Variants in MAF observed in about 807,000 individuals in gnomAD.
MAF encodes the protein MAF bZIP transcription factor, also known as transcription factor Maf.
A neutral mutation model predicts 22.0 loss-of-function variants in MAF; 10 were observed. The ratio of observed to expected loss-of-function variants is 0.45; its 90% CI spans 0.28 to 0.77. The LOEUF is 0.77. Among genes scored for constraint, MAF ranks in the 30% least tolerant of loss-of-function variants. The pLI is 0.12. For synonymous variants in MAF, 337 were observed against 255.8 expected, an observed-to-expected ratio of 1.32 and a Z score of -3.03; for missense variants, 544 against 548.4, an observed-to-expected ratio of 0.99 and a Z score of 0.08.
the MAF span, among the ~76,000 whole-genome samples, chr16:79,530,830 AC>A: frequency 6.6e-6 from 1 of 152,196 alleles, no homozygotes; most frequent in Admixed American, 6.5e-5. Context: ...AGATAGTAAA[AC>A]GGCAGGTCTA....
downstream of MAF, among the ~76,000 whole-genome samples, chr16:79,581,218 A>C (rs1258717839): frequency 6.6e-6 from 1 of 152,228 alleles, no homozygotes; most frequent in East Asian, 1.9e-4. Flanking sequence ...CCATTCTGCT[A>C]TTCAGAATGT....
At chr16:79,279,830 C>T in the MAF span, among the ~76,000 whole-genome samples, 1 of 152,054 alleles carries the variant, frequency 6.6e-6, no homozygotes, top group Non-Finnish European at 1.5e-5. Context: ...AAATAACTCT[C>T]CCAGAGCTTT....
At chr16:79,390,719 C>T in the MAF span, among the ~76,000 whole-genome samples, 23 of 152,180 alleles carry the variant, frequency 1.5e-4, no homozygotes, top group Admixed American at 1.0e-3. Context: ...AACTTAGAAA[C>T]GACTTGTGAG....
the MAF span, among the ~76,000 whole-genome samples, chr16:79,529,239 G>T: frequency 6.6e-6 from 1 of 152,082 alleles, no homozygotes; most frequent in African/African-American, 2.4e-5. Context: ...CTTCCCATGC[G>T]CCAAAAACCA....
the MAF span, among the ~76,000 whole-genome samples, chr16:79,464,652 G>A: frequency 6.6e-5 from 10 of 152,160 alleles, no homozygotes; most frequent in Non-Finnish European, 8.8e-5. Context: ...AGGGTACCTG[G>A]CAAATGACAT....
chr16:79,399,283 T>A, the MAF span, among the ~76,000 whole-genome samples: 1 of 152,326 alleles, frequency 6.6e-6, no homozygotes, highest in Admixed American at 6.5e-5. Context: ...AAAAAATTCT[T>A]TGTAAAGTGC....
the MAF span, among the ~76,000 whole-genome samples, chr16:79,328,128 G>C: frequency 0.011 from 1,717 of 152,222 alleles, 24 homozygotes; most frequent in African/African-American, 0.039. Context: ...AAAATCCTAT[G>C]GAAGTGATTA....
the MAF span, among the ~76,000 whole-genome samples, chr16:79,576,258 A>AC: frequency 1.3e-5 from 2 of 149,074 alleles, no homozygotes; most frequent in African/African-American, 2.5e-5. Flanking sequence ...AAAAAAAAAA[A>AC]AGGACCAGTA....
the MAF span, among the ~76,000 whole-genome samples, chr16:79,539,833 G>A: frequency 6.6e-6 from 1 of 152,148 alleles, no homozygotes; most frequent in Non-Finnish European, 1.5e-5. Flanking sequence ...GACACTCTGA[G>A]GCATGTGTGC....
the MAF span, among the ~76,000 whole-genome samples, chr16:79,288,646 T>A: frequency 1.3e-5 from 2 of 152,188 alleles, no homozygotes; most frequent in Non-Finnish European, 2.9e-5. Flanking sequence ...GCTTATTGAC[T>A]GAGTAGTGGA....
the MAF span, among the ~76,000 whole-genome samples, chr16:79,443,680 GC>G: frequency 6.4e-4 from 97 of 152,346 alleles, no homozygotes; most frequent in African/African-American, 2.3e-3. Context: ...GGGGGAACCA[GC>G]TTTTACCTCC....
chr16:79,282,188 G>A, the MAF span, among the ~76,000 whole-genome samples: 11 of 152,116 alleles, frequency 7.2e-5, no homozygotes, highest in African/African-American at 2.7e-4. Flanking sequence ...ATGCCAATTA[G>A]GAAGCCAAAA....
chr16:79,250,968 C>T, the MAF span, among the ~76,000 whole-genome samples: 6 of 152,178 alleles, frequency 3.9e-5, no homozygotes, highest in African/African-American at 1.4e-4. Flanking sequence ...CAGCCATCAC[C>T]ATCAGCATCA....
chr16:79,209,622 G>A, the MAF span, among the ~76,000 whole-genome samples: 2 of 152,172 alleles, frequency 1.3e-5, no homozygotes, highest in Non-Finnish European at 2.9e-5. Flanking sequence ...AAGGTAAAAT[G>A]AAAATATATG....
chr16:79,310,443 C>T, the MAF span, among the ~76,000 whole-genome samples: 1 of 152,170 alleles, frequency 6.6e-6, no homozygotes, highest in Non-Finnish European at 1.5e-5. Flanking sequence ...TGTAAATACG[C>T]TCAAGAACCA....
chr16:79,398,489 G>A, the MAF span, among the ~76,000 whole-genome samples: 1 of 152,176 alleles, frequency 6.6e-6, no homozygotes, highest in Non-Finnish European at 1.5e-5. Flanking sequence ...TGCTGCAGAA[G>A]AGGAATGAGA....
chr16:79,599,086 C>CG lies in MAF; in HGVS notation c.816dup (p.Glu273ArgfsTer103). ...ACCCCGCGCAGCTGCCGGTTCAGCT[C>CG]GCGCACAGACATGGTCACCAGCTGC... On this transcript the variant is annotated frameshift_variant, in exon 1 of 2. Transcript: ENST00000326043. LOFTEE classifies it high-confidence loss of function. The CG allele has an allele frequency of 6.2e-7, 1 of 1,609,016 alleles. No homozygotes were observed. The highest frequency in any genetic ancestry group is 1.7e-5 in the Admixed American group (1 of 59,914).
the MAF span, among the ~76,000 whole-genome samples, chr16:79,347,027 T>G: frequency 6.6e-6 from 1 of 152,202 alleles, no homozygotes; most frequent in Admixed American, 6.5e-5. Flanking sequence ...CTCAGCCAAA[T>G]GGCAGCTGTG....
At chr16:79,442,817 C>G in the MAF span, among the ~76,000 whole-genome samples, 1 of 152,192 alleles carries the variant, frequency 6.6e-6, no homozygotes. Context: ...GCAGAGGAAA[C>G]AGCTTCATTC....
Sources: gnomAD v4.1 joint callset for allele counts (sites outside exome capture counted in the v4.1 genomes callset) on GRCh38, gnomAD v4.1.1 for gene constraint, MANE v1.5 for transcripts, NCBI Gene and HGNC (gene_info 2026-07-23, HGNC 2026-07-21) for gene names.